Variants in CLEC12A observed in about 807,000 individuals in gnomAD.
CLEC12A encodes the protein C-type lectin protein CLL-1.
Under a neutral mutation model 26.5 loss-of-function variants are expected in CLEC12A, and 22 were observed. The observed-to-expected ratio is 0.83, with a 90% CI of 0.59 to 1.19. The LOEUF (loss-of-function observed/expected upper bound fraction) is 1.19. Among genes scored for constraint, CLEC12A ranks in the 50% most tolerant of loss-of-function variants. CLEC12A has a pLI of 0.00. For synonymous variants in CLEC12A, 119 were observed against 101.9 expected (o/e 1.17, Z -1.01); for missense variants, 353 against 315.6 (o/e 1.12, Z -0.90).
chr12:9,957,983 C>T (rs1165994729), intron 1 of CLEC12A, among the ~76,000 whole-genome samples: 2 of 152,314 alleles, frequency 1.3e-5, no homozygotes. Context: ...TGTCTGAACT[C>T]AGATCACTAG....
intron 1 of CLEC12A, among the ~76,000 whole-genome samples, chr12:9,959,210 G>T (rs1330485982): frequency 6.6e-6 from 1 of 152,118 alleles, no homozygotes; most frequent in Non-Finnish European, 1.5e-5. Flanking sequence ...CTGCACTTTG[G>T]GAGGCTGAGG....
Position 9,984,889 on chromosome 12 carries a change from G to T in CLEC12A, c.661G>T (p.Asp221Tyr). The T allele has an allele frequency of 2.0e-6, 3 of 1,535,150 alleles. No homozygotes were observed. The highest frequency in any genetic ancestry group is 1.3e-5 in the South Asian group (1 of 76,814). Residue 221 changes from aspartate (D) to tyrosine (Y), a missense_variant, in exon 6 of 6, where the codon GAC becomes TAC. By Grantham distance (160) the Asp-to-Tyr change is radical. Coordinates refer to ENST00000304361, the MANE Select transcript of CLEC12A (RefSeq NM_138337.6). ...SSAWVIRNAP[D>Y]LNNMYCGYIN... ...TTTCAGGGTTATAAGAAACGCACCT[G>T]ACTTAAATAACATGTATTGTGGATA...
At position 9,985,261 on chromosome 12, in the gene CLEC12A, G is replaced by A. The variant is rs1864733019; in HGVS notation, c.*235G>A. On this transcript the variant is annotated 3_prime_UTR_variant, in exon 6 of 6. Coordinates refer to ENST00000304361, the MANE Select transcript of CLEC12A (RefSeq NM_138337.6). ...ACTTTCCATCATGGCCTGAACCCTG[G>A]AGGAAGAGGAAGTCCATTCAGATAG... is the stretch of plus-strand genomic sequence containing the variant. 6 of 413,560 alleles carry A rather than the reference G, an allele frequency of 1.5e-5. No homozygotes were observed. Among genetic ancestry groups the A allele is most frequent in the Non-Finnish European group, 2.1e-5 (5 of 241,044 alleles). The allele number at this position is 413,560 out of a possible 1,614,324, so 25.6% of individuals were successfully genotyped here.
chr12:9,951,299 A>G (rs142509854), upstream of CLEC12A: 484 of 702,870 alleles, frequency 6.9e-4, 8 homozygotes, highest in East Asian at 0.012. Context: ...AGCCCCAACC[A>G]CATTTCTGAT....
intron 1 of CLEC12A, among the ~76,000 whole-genome samples, chr12:9,961,452 A>C (rs1293897635): frequency 2.0e-5 from 3 of 152,204 alleles, no homozygotes; most frequent in Non-Finnish European, 4.4e-5. Context: ...TAACCTCCCA[A>C]TTTTAGTTTG....
chr12:9,963,836 A>G (rs2961539), intron 1 of CLEC12A, among the ~76,000 whole-genome samples: 6,279 of 152,310 alleles, frequency 0.041, 430 homozygotes, highest in African/African-American at 0.14. Flanking sequence ...CAGCTAGGGC[A>G]GCAGCCATCA....
At chr12:9,985,928 C>T (rs11053536), downstream of CLEC12A, 12,227 of 163,548 alleles carry the variant, frequency 0.075, 518 homozygotes, top group East Asian at 0.16. Context: ...TTTTTGTAAC[C>T]CCTCCTTGAT....
chr12:10,005,532 G>A, the CLEC12A span, among the ~76,000 whole-genome samples: 5 of 152,108 alleles, frequency 3.3e-5, no homozygotes, highest in Non-Finnish European at 7.4e-5. Context: ...TTTGTGGCAG[G>A]AATTAAATTT....
rs748003224 is a variant in CLEC12A, at chr12:9,982,050, G to A, written c.562G>A (p.Asp188Asn). 6 of 1,592,094 alleles carry A rather than the reference G, an allele frequency of 3.8e-6. No individual in the cohort carries two copies. Among genetic ancestry groups the A allele is most frequent in the African/African-American group, 1.3e-5 (1 of 74,372 alleles). The change falls in exon 5 of 6, where the codon GAC becomes AAC. Residue 188 changes from aspartate (D) to asparagine (N), a missense_variant. Transcript: ENST00000304361. ...TATAAAATCCCAGAGTAGATCATATGACTATTGGCTGGGATTATCTCCTGA... is the reference window on the plus strand; with the variant it reads ...TATAAAATCCCAGAGTAGATCATATAACTATTGGCTGGGATTATCTCCTGA... ...EFIKSQSRSY[D>N]YWLGLSPEED...
chr12:9,996,496 G>A (rs565956565), downstream of CLEC12A, among the ~76,000 whole-genome samples: 5 of 151,946 alleles, frequency 3.3e-5, no homozygotes, highest in South Asian at 1.0e-3. Context: ...TCTTCCGTAT[G>A]CGTCTGAGTC....
downstream of CLEC12A, among the ~76,000 whole-genome samples, chr12:9,997,970 A>G (rs1383829620): frequency 9.5e-6 from 1 of 104,824 alleles, no homozygotes. Flanking sequence ...GCTGGTTCTT[A>G]GGAATGCAAG....
upstream of CLEC12A, among the ~76,000 whole-genome samples, chr12:9,970,358 T>A (rs573266639): frequency 1.2e-3 from 189 of 152,316 alleles, no homozygotes; most frequent in African/African-American, 4.5e-3. Context: ...TTCCTGTCTA[T>A]CCTGACATAA....
chr12:9,960,245 C>T (rs1863807954), intron 1 of CLEC12A, among the ~76,000 whole-genome samples: 1 of 152,100 alleles, frequency 6.6e-6, no homozygotes, highest in African/African-American at 2.4e-5. Context: ...AAAGCCCAGC[C>T]AAAGATCCTA....
In CLEC12A at chr12:9,985,187, C is replaced by A; in HGVS notation, c.*161C>A. 1 of 726,474 alleles carries A rather than the reference C, an allele frequency of 1.4e-6. No individual in the cohort carries two copies. Among genetic ancestry groups the A allele is most frequent in the Non-Finnish European group, 2.0e-6 (1 of 509,830 alleles). The allele number at this position is 726,474 out of a possible 1,614,324, so 45.0% of individuals were successfully genotyped here. ...GGTAGCAAGCTTCAGAGAGAATAGA[C>A]TGTGAATGTTAATGCCAGAGAGGTA... On this transcript the variant is annotated 3_prime_UTR_variant, in exon 6 of 6. Coordinates refer to ENST00000304361, the MANE Select transcript of CLEC12A (RefSeq NM_138337.6).
rs778739205 is a variant in CLEC12A, at chr12:9,995,174, T to G, written n.1161T>G. 10 of 1,613,016 alleles carry G rather than the reference T, an allele frequency of 6.2e-6. No homozygotes were observed. The highest frequency in any genetic ancestry group is 1.3e-5 in the African/African-American group (1 of 74,852). On this transcript the variant is annotated non_coding_transcript_exon_variant, in exon 5 of 5. Coordinates refer to the CLEC12A transcript ENST00000449959. ...GAGATAACCGAGCCATCCTCCCACT[T>G]CCAGACCTCATTCGACTTCTGGCGA...
Position 9,978,985 on chromosome 12 carries a change from T to G in CLEC12A, c.111T>G (p.His37Gln), listed in dbSNP as rs200491006. The change falls in exon 2 of 6, where the codon CAT becomes CAG. Residue 37 changes from histidine (H) to glutamine (Q), a missense_variant. Physicochemically the swap from His to Gln is conservative, Grantham distance 24. Transcript: ENST00000304361. ...FGEKAPPAPS[H>Q]VWRPAALFLT... is the part of the protein sequence containing the mutation. ...CCACAGCACCTCCAGCTCCCTCTCATGTATGGCGTCCAGCAGCCTTGTTTC... is the reference window on the plus strand; with the variant it reads ...CCACAGCACCTCCAGCTCCCTCTCAGGTATGGCGTCCAGCAGCCTTGTTTC... 1.5e-5 allele frequency: 25 copies of G among 1,613,934 alleles called. No individual in the cohort carries two copies. The East Asian group carries it at 3.6e-4, about 23-fold the overall frequency.
At chr12:9,965,541 A>G (rs139126973) in intron 1 of CLEC12A, among the ~76,000 whole-genome samples, 9,643 of 151,120 alleles carry the variant, frequency 0.064, 1,021 homozygotes, top group African/African-American at 0.22. Flanking sequence ...AAGGAATAGT[A>G]AAGAAAGCAT....
intron 1 of CLEC12A, among the ~76,000 whole-genome samples, chr12:9,956,842 C>T (rs1863749239): frequency 6.6e-6 from 1 of 152,138 alleles, no homozygotes; most frequent in African/African-American, 2.4e-5. Flanking sequence ...CCTATGGCAA[C>T]CTGGTCATCC....
intron 5 of CLEC12A, chr12:9,984,057 T>A (rs1441477530): frequency 6.6e-6 from 2 of 301,562 alleles, no homozygotes; most frequent in African/African-American, 4.5e-5. Context: ...TATTTTCAGT[T>A]ATCAAAAAGA....
Sources: gnomAD v4.1 joint callset for allele counts (sites outside exome capture counted in the v4.1 genomes callset) on GRCh38, gnomAD v4.1.1 for gene constraint, MANE v1.5 for transcripts, NCBI Gene and HGNC (gene_info 2026-07-23, HGNC 2026-07-21) for gene names.